WDR70: variants seen among roughly 807,000 people sequenced by gnomAD.
WDR70 encodes the protein WD repeat domain 70.
In WDR70, 53 loss-of-function variants were observed where a neutral mutation model predicts 88.6. The observed-to-expected ratio is 0.60, with a 90% CI of 0.48 to 0.75. WDR70 has a LOEUF of 0.75. Ranked by LOEUF, WDR70 falls within the 30% of genes least tolerant of loss-of-function variation. The pLI is 0.00. For synonymous variants in WDR70, 280 were observed against 270.0 expected (o/e 1.04, Z -0.36); for missense variants, 610 against 823.2 (o/e 0.74, Z 3.17).
At chr5:37,495,635 G>A (rs140017111) in intron 8 of WDR70, among the ~76,000 whole-genome samples, 1 of 152,168 alleles carries the variant, frequency 6.6e-6, no homozygotes, top group Non-Finnish European at 1.5e-5. Flanking sequence ...TAAAGGAAGA[G>A]ATATTTTTCA....
At chr5:37,642,048 G>C (rs1286770404) in intron 10 of WDR70, among the ~76,000 whole-genome samples, 56 of 152,160 alleles carry the variant, frequency 3.7e-4, no homozygotes, top group Admixed American at 3.7e-3. Flanking sequence ...ATTGCTATAA[G>C]TGTGGTACCT....
At chr5:37,582,407 A>G (rs1456693012) in intron 9 of WDR70, among the ~76,000 whole-genome samples, 1 of 152,244 alleles carries the variant, frequency 6.6e-6, no homozygotes, top group Admixed American at 6.5e-5. Context: ...TATATCAGCA[A>G]TATAACATAA....
chr5:37,733,537 T>C (rs1322213545), intron 17 of WDR70, among the ~76,000 whole-genome samples: 9 of 152,150 alleles, frequency 5.9e-5, no homozygotes. Context: ...AATGTACTCA[T>C]GAATTTTAAT....
intron 9 of WDR70, among the ~76,000 whole-genome samples, chr5:37,549,272 A>G (rs1742077734): frequency 6.6e-6 from 1 of 152,170 alleles, no homozygotes; most frequent in African/African-American, 2.4e-5. Flanking sequence ...CCATGAACAT[A>G]GAATATTTTT....
intron 9 of WDR70, among the ~76,000 whole-genome samples, chr5:37,601,654 G>T: frequency 6.6e-6 from 1 of 150,924 alleles, no homozygotes; most frequent in East Asian, 1.9e-4. Context: ...TCAGGTCCTG[G>T]TTTTTTTTTG....
chr5:37,407,302 C>G lies in WDR70; in HGVS notation c.492+10732C>G, dbSNP rs1018733432. Among the ~76,000 whole-genome samples the G allele has an allele frequency of 4.6e-5, 7 of 152,262 alleles. No individual in the cohort carries two copies. In the East Asian group the frequency reaches 1.4e-3, roughly 29 times the overall value. On this transcript the variant is annotated intron_variant, in intron 5 of 17. Transcript: ENST00000265107. ...TTGGGGAGGTCAAGGGGGGCTGGATCACCTGAGCTCAGGAGTTCAAGAACA... is the reference window on the plus strand; with the variant it reads ...TTGGGGAGGTCAAGGGGGGCTGGATGACCTGAGCTCAGGAGTTCAAGAACA...
At chr5:37,668,231 A>G (rs1561059605) in intron 10 of WDR70, among the ~76,000 whole-genome samples, 2 of 152,176 alleles carry the variant, frequency 1.3e-5, no homozygotes, top group Non-Finnish European at 2.9e-5. Flanking sequence ...TGTTAGTTGT[A>G]TCATTTTTTT....
intron 9 of WDR70, among the ~76,000 whole-genome samples, chr5:37,581,145 C>G (rs1271050377): frequency 6.6e-6 from 1 of 152,118 alleles, no homozygotes; most frequent in Non-Finnish European, 1.5e-5. Context: ...AAGAAAGAAA[C>G]ACTTTTCCCC....
At chr5:37,424,407 A>ATT (rs11434948) in intron 5 of WDR70, among the ~76,000 whole-genome samples, 2,000 of 142,172 alleles carry the variant, frequency 0.014, 40 homozygotes, top group African/African-American at 0.047. Flanking sequence ...ATTTTTTTCC[A>ATT]TTTTTTTTTT....
At chr5:37,435,571 A>G (rs1005277831) in intron 5 of WDR70, among the ~76,000 whole-genome samples, 6 of 152,204 alleles carry the variant, frequency 3.9e-5, no homozygotes, top group African/African-American at 9.6e-5. Flanking sequence ...AAAAACTGCA[A>G]TTCCCCAACT....
chr5:37,548,754 C>T (rs548630790), intron 9 of WDR70, among the ~76,000 whole-genome samples: 16 of 152,040 alleles, frequency 1.1e-4, no homozygotes, highest in African/African-American at 2.2e-4. Flanking sequence ...AATGTTTTCT[C>T]GTAGTATTTT....
chr5:37,558,481 T>C (rs1419527261), intron 9 of WDR70, among the ~76,000 whole-genome samples: 1 of 151,718 alleles, frequency 6.6e-6, no homozygotes, highest in Admixed American at 6.6e-5. Context: ...ACCTTCCTGG[T>C]TAATTAAAAA....
intron 7 of WDR70, among the ~76,000 whole-genome samples, chr5:37,478,617 T>C (rs1739558837): frequency 6.6e-6 from 1 of 152,214 alleles, no homozygotes; most frequent in Non-Finnish European, 1.5e-5. Context: ...GTAGTTGCCA[T>C]AGCAGCAACA....
At chr5:37,603,855 A>G (rs1743956641) in intron 9 of WDR70, among the ~76,000 whole-genome samples, 1 of 152,204 alleles carries the variant, frequency 6.6e-6, no homozygotes, top group Non-Finnish European at 1.5e-5. Flanking sequence ...ATACATCTTT[A>G]GCATATCAAA....
chr5:37,392,359 T>C (rs1403056416), intron 4 of WDR70, among the ~76,000 whole-genome samples: 1 of 151,624 alleles, frequency 6.6e-6, no homozygotes, highest in Non-Finnish European at 1.5e-5. Flanking sequence ...AATTTTTGTA[T>C]TTTTAGTAGA....
At chr5:37,677,339 T>A (rs1481409209) in intron 10 of WDR70, among the ~76,000 whole-genome samples, 4 of 152,176 alleles carry the variant, frequency 2.6e-5, no homozygotes, top group African/African-American at 9.7e-5. Context: ...GGTGTCAATT[T>A]TGGATCTTTC....
intron 16 of WDR70, among the ~76,000 whole-genome samples, chr5:37,726,148 G>A (rs1363506783): frequency 6.6e-6 from 1 of 152,142 alleles, no homozygotes; most frequent in Non-Finnish European, 1.5e-5. Context: ...ACCTGAGCCT[G>A]AAGTGCTATC....
intron 5 of WDR70, 81 bp from the exon 6 acceptor site, chr5:37,437,841 G>A (rs1750518364): frequency 4.5e-6 from 6 of 1,343,496 alleles, no homozygotes; most frequent in South Asian, 4.3e-5. Flanking sequence ...TTAAAAAATT[G>A]TATTTCCTGT....
chr5:37,561,967 G>A (rs558266267), intron 9 of WDR70, among the ~76,000 whole-genome samples: 19 of 152,336 alleles, frequency 1.2e-4, no homozygotes, highest in Non-Finnish European at 2.6e-4. Context: ...ATTCCATGAT[G>A]CTGTCTCATG....
Sources: gnomAD v4.1 joint callset for allele counts (sites outside exome capture counted in the v4.1 genomes callset) on GRCh38, gnomAD v4.1.1 for gene constraint, MANE v1.5 for transcripts, NCBI Gene and HGNC (gene_info 2026-07-23, HGNC 2026-07-21) for gene names.